Variants in ZDHHC11 observed in about 807,000 individuals in gnomAD.
ZDHHC11 encodes the protein palmitoyltransferase ZDHHC11.
Under a neutral mutation model 51.3 loss-of-function variants are expected in ZDHHC11, and 44 were observed. The ratio of observed to expected loss-of-function variants is 0.86; its 90% confidence interval spans 0.67 to 1.10. The LOEUF is 1.10. ZDHHC11 is among the 50% of genes least tolerant of loss of function. ZDHHC11 has a pLI of 0.00. For missense variants in ZDHHC11, 400 were observed against 537.7 expected, an observed-to-expected ratio of 0.74 and a Z score of 2.53; for synonymous variants, 163 against 222.0, an observed-to-expected ratio of 0.73 and a Z score of 2.36.
chr5:834,514 GTTTT>G (rs1342470532), intron 6 of ZDHHC11, among the ~76,000 whole-genome samples: 1 of 149,962 alleles, frequency 6.7e-6, no homozygotes, highest in Non-Finnish European at 1.5e-5. Flanking sequence ...GTTTGTTTAT[GTTTT>G]TGTTTGTTGT....
rs1391773565 is a variant in ZDHHC11, at chr5:807,244, CCTTT to C, written c.1182-6084_1182-6081del. ...TCCAGATACTACATACACACAATGC[CCTTT>C]CTGTTAAAAAAAAAAATGAAAAAGT... On this transcript the variant is annotated intron_variant, in intron 11 of 12. Transcript: ENST00000283441. 2.8e-3 allele frequency among the ~76,000 whole-genome samples: 239 copies of C among 83,904 alleles called. 3 individuals carry two copies. The highest frequency in any genetic ancestry group is 0.012 in the Middle Eastern group (2 of 170). The allele number at this position is 83,904 out of a possible 152,430, so 55.0% of individuals were successfully genotyped here. A position where few individuals can be genotyped will look rare whatever the true frequency, so the allele number is the denominator to read the frequency against.
At chr5:804,909 A>G in intron 11 of ZDHHC11, among the ~76,000 whole-genome samples, 1 of 151,500 alleles carries the variant, frequency 6.6e-6, no homozygotes, top group East Asian at 1.9e-4. Context: ...AAAACCATAC[A>G]AAGAAATAAA....
At chr5:799,217 C>A (rs1459070302) in intron 12 of ZDHHC11, among the ~76,000 whole-genome samples, 1 of 151,356 alleles carries the variant, frequency 6.6e-6, no homozygotes, top group African/African-American at 2.4e-5. Context: ...CTCTAACGAA[C>A]CCATGAGACC....
intron 11 of ZDHHC11, among the ~76,000 whole-genome samples, chr5:809,370 C>G (rs1324005916): frequency 3.5e-4 from 49 of 141,950 alleles, no homozygotes; most frequent in African/African-American, 1.3e-3. Flanking sequence ...GTCCTAACCC[C>G]AGCGTTGTGT....
In ZDHHC11 at chr5:840,619, G is replaced by T; in HGVS notation, c.660C>A (p.Phe220Leu). The T allele has an allele frequency of 1.2e-6, 2 of 1,613,880 alleles. No homozygotes were observed. The highest frequency in any genetic ancestry group is 1.7e-6 in the Non-Finnish European group (2 of 1,179,876). ...DVKNMNTWLL[F>L]LPLFPVQVQT... Reference sequence around the variant, plus strand: ...GCACCTGCACCGGGAACAGGGGGAGGAACAGCAGCCACGTGTTCATATTCT... The same window carrying T: ...GCACCTGCACCGGGAACAGGGGGAGTAACAGCAGCCACGTGTTCATATTCT... The change falls in exon 5 of 13, where the codon TTC (phenylalanine) becomes TTA (leucine). Residue 220 changes from phenylalanine (F) to leucine (L), a missense_variant. Physicochemically the swap from Phe to Leu is conservative, Grantham distance 22. Transcript: ENST00000283441.
Position 803,659 on chromosome 5 carries a change from T to C in ZDHHC11, c.1182-2495A>G, listed in dbSNP as rs914308693. On this transcript the variant is annotated intron_variant, in intron 11 of 12. Coordinates refer to ENST00000283441, the MANE Select transcript of ZDHHC11 (RefSeq NM_024786.3). ...AAAGACTTGGCATAAACTATGTCTG[T>C]GAAAGTTCAGACATTTGAACTACTA... 4.8e-4 allele frequency among the ~76,000 whole-genome samples: 73 copies of C among 151,056 alleles called. 6 individuals are homozygous for C. Among genetic ancestry groups the C allele is most frequent in the Non-Finnish European group, 1.8e-4 (12 of 67,664 alleles).
chr5:821,571 C>G (rs1741570104), intron 9 of ZDHHC11, among the ~76,000 whole-genome samples: 1 of 151,138 alleles, frequency 6.6e-6, no homozygotes, highest in Non-Finnish European at 1.5e-5. Context: ...CCCACCAGGA[C>G]AGAGAACAGC....
At position 850,672 on chromosome 5, in the gene ZDHHC11, G is replaced by A. The variant is rs1053277883; in HGVS notation, c.-70C>T. 1.1e-5 allele frequency: 18 copies of A among 1,568,742 alleles called. No homozygotes were observed. The African/African-American group carries it at 2.4e-4, about 21-fold the overall frequency. On this transcript the variant is annotated 5_prime_UTR_variant, in exon 1 of 13. Coordinates refer to ENST00000283441, the MANE Select transcript of ZDHHC11 (RefSeq NM_024786.3). Reference sequence around the variant, plus strand: ...AGGGCCGGCCCCGCCCACTGTCACAGAGACCAAGGGGACTGGGAATGCAGC... The same window carrying A: ...AGGGCCGGCCCCGCCCACTGTCACAAAGACCAAGGGGACTGGGAATGCAGC...
intron 10 of ZDHHC11, among the ~76,000 whole-genome samples, chr5:818,506 G>A (rs1277430851): frequency 6.6e-6 from 1 of 151,638 alleles, no homozygotes; most frequent in African/African-American, 2.4e-5. Flanking sequence ...GCCCCAACAG[G>A]GAAGGAGAAG....
At chr5:847,746 G>A (rs1746483120) in intron 2 of ZDHHC11, 131 bp from the exon 3 acceptor site, 1 of 594,146 alleles carries the variant, frequency 1.7e-6, no homozygotes, top group African/African-American at 2.3e-5. Flanking sequence ...AGGGCGTCCA[G>A]CAGGGAATGG....
At chr5:854,794 G>GC (rs1486362298), upstream of ZDHHC11, among the ~76,000 whole-genome samples, 5 of 146,204 alleles carry the variant, frequency 3.4e-5, no homozygotes, top group African/African-American at 5.1e-5. Context: ...AGGACAGTGA[G>GC]GAGCGGGGAC....
intron 5 of ZDHHC11, chr5:840,189 T>C: frequency 1.5e-6 from 1 of 682,748 alleles, no homozygotes. Context: ...CCATTGTCTC[T>C]GAACATTTTA....
chr5:851,361 C>T (rs114517833), upstream of ZDHHC11, among the ~76,000 whole-genome samples: 2,018 of 139,710 alleles, frequency 0.014, 45 homozygotes, highest in African/African-American at 0.052. Flanking sequence ...GTGGGAGGGA[C>T]GTGGTGTCAC....
At chr5:816,493 TG>T in intron 10 of ZDHHC11, 1 of 503,522 alleles carries the variant, frequency 2.0e-6, no homozygotes. Context: ...AACGGACAAG[TG>T]GGATGGATCA....
intron 6 of ZDHHC11, among the ~76,000 whole-genome samples, chr5:834,683 T>C (rs1743574611): frequency 6.6e-6 from 1 of 152,308 alleles, no homozygotes; most frequent in Non-Finnish European, 1.5e-5. Context: ...GATACTGTGT[T>C]TTTTCACAAA....
chr5:828,132 ACTT>A (rs1385305263), intron 7 of ZDHHC11, among the ~76,000 whole-genome samples: 1 of 151,326 alleles, frequency 6.6e-6, no homozygotes, highest in African/African-American at 2.4e-5. Flanking sequence ...TCCCATGTCT[ACTT>A]CTTTCTACAC....
chr5:805,628 G>C (rs368286793), intron 11 of ZDHHC11, among the ~76,000 whole-genome samples: 21 of 151,008 alleles, frequency 1.4e-4, no homozygotes, highest in African/African-American at 4.4e-4. Flanking sequence ...AAATATATAT[G>C]ATATACACAA....
intron 3 of ZDHHC11, among the ~76,000 whole-genome samples, chr5:846,948 C>T (rs1382834542): frequency 6.6e-6 from 1 of 151,878 alleles, no homozygotes; most frequent in Non-Finnish European, 1.5e-5. Flanking sequence ...GCCTGTGAGC[C>T]TCCACCATGC....
At chr5:855,577 G>GC (rs1748090857), upstream of ZDHHC11, among the ~76,000 whole-genome samples, 1 of 143,952 alleles carries the variant, frequency 6.9e-6, no homozygotes, top group Non-Finnish European at 1.5e-5. Context: ...AAGCCGGGGG[G>GC]ACAGACCGCA....
Sources: gnomAD v4.1 joint callset for allele counts (sites outside exome capture counted in the v4.1 genomes callset) on GRCh38, gnomAD v4.1.1 for gene constraint, MANE v1.5 for transcripts, NCBI Gene and HGNC (gene_info 2026-07-23, HGNC 2026-07-21) for gene names.